LUZP2: variants seen among roughly 807,000 people sequenced by gnomAD.
LUZP2 encodes the protein leucine zipper protein 2.
LUZP2 carries 52 observed loss-of-function variants against 51.6 expected under a neutral mutation model. The observed-to-expected ratio is 1.01, with a 90% confidence interval of 0.81 to 1.27. LUZP2 has a LOEUF of 1.27. Among genes scored for constraint, LUZP2 ranks in the 50% most tolerant of loss-of-function variants. The pLI is 0.00. For synonymous variants in LUZP2, 154 were observed against 137.3 expected (o/e 1.12, Z -0.85); for missense variants, 436 against 395.4 (o/e 1.10, Z -0.87).
At chr11:24,704,938 T>C (rs1190874430) in intron 1 of LUZP2, among the ~76,000 whole-genome samples, 2 of 152,202 alleles carry the variant, frequency 1.3e-5, no homozygotes, top group Non-Finnish European at 2.9e-5. Flanking sequence ...TTACCACAAA[T>C]GCCTTGGGCT....
chr11:24,866,682 G>C (rs1275310547), intron 5 of LUZP2, among the ~76,000 whole-genome samples: 1 of 152,204 alleles, frequency 6.6e-6, no homozygotes, highest in Non-Finnish European at 1.5e-5. Flanking sequence ...TAGCAGATTT[G>C]TCTGCCAACA....
chr11:24,776,845 A>G (rs940200768), intron 5 of LUZP2, among the ~76,000 whole-genome samples: 4 of 152,072 alleles, frequency 2.6e-5, no homozygotes, highest in African/African-American at 9.7e-5. Flanking sequence ...TTTGTTTCCA[A>G]TCCTCAGAGA....
intron 1 of LUZP2, among the ~76,000 whole-genome samples, chr11:24,661,432 C>G (rs1339030503): frequency 2.0e-5 from 3 of 152,162 alleles, no homozygotes. Context: ...AAACAATTAT[C>G]ATCTTTATTA....
chr11:24,993,525 A>G (rs559685658), intron 9 of LUZP2, among the ~76,000 whole-genome samples: 1 of 152,270 alleles, frequency 6.6e-6, no homozygotes, highest in African/African-American at 2.4e-5. Flanking sequence ...TACTGGGTAG[A>G]TAAAACTGTA....
intron 7 of LUZP2, among the ~76,000 whole-genome samples, chr11:24,975,845 G>A (rs1268455908): frequency 4.6e-5 from 7 of 151,904 alleles, no homozygotes; most frequent in Non-Finnish European, 7.4e-5. Flanking sequence ...AAGTGTATGG[G>A]ATTAAAACAC....
intron 1 of LUZP2, among the ~76,000 whole-genome samples, chr11:24,588,454 G>T (rs1590212836): frequency 6.6e-6 from 1 of 152,032 alleles, no homozygotes. Flanking sequence ...AGTAAAAAAT[G>T]ATTGCAAAGA....
At chr11:24,546,967 TGGTGGTGG>T (rs1564983117) in intron 1 of LUZP2, among the ~76,000 whole-genome samples, 5 of 5,018 alleles carry the variant, frequency 1.0e-3, no homozygotes, top group African/African-American at 2.6e-3. Context: ...TTGTTGTTGG[TGGTGGTGG>T]TGGTGGTGGT....
chr11:24,809,801 A>G (rs1368548080), intron 5 of LUZP2, among the ~76,000 whole-genome samples: 1 of 152,100 alleles, frequency 6.6e-6, no homozygotes, highest in Non-Finnish European at 1.5e-5. Context: ...TGAAGTGGTT[A>G]GATTTGCTTA....
At chr11:24,990,803 C>A (rs1856311768) in intron 9 of LUZP2, among the ~76,000 whole-genome samples, 1 of 151,702 alleles carries the variant, frequency 6.6e-6, no homozygotes, top group Non-Finnish European at 1.5e-5. Flanking sequence ...TAATTCTAGC[C>A]TTTTTATTCT....
intron 1 of LUZP2, among the ~76,000 whole-genome samples, chr11:24,520,987 C>A (rs1473019992): frequency 6.6e-6 from 1 of 152,174 alleles, no homozygotes; most frequent in Non-Finnish European, 1.5e-5. Flanking sequence ...TTTTAGTTCC[C>A]TAGATATGTA....
chr11:24,715,077 C>G (rs1425383421), intron 1 of LUZP2, among the ~76,000 whole-genome samples: 1 of 152,070 alleles, frequency 6.6e-6, no homozygotes, highest in Non-Finnish European at 1.5e-5. Context: ...CATTTACTTA[C>G]CTCTGCTGAC....
At chr11:24,756,083 C>G (rs2134018437) in intron 4 of LUZP2, among the ~76,000 whole-genome samples, 1 of 152,240 alleles carries the variant, frequency 6.6e-6, no homozygotes, top group Non-Finnish European at 1.5e-5. Flanking sequence ...ATGTTAACCC[C>G]AAGCATTTCT....
chr11:24,714,266 A>G (rs1457608408), intron 1 of LUZP2, among the ~76,000 whole-genome samples: 2 of 152,048 alleles, frequency 1.3e-5, no homozygotes, highest in Admixed American at 1.3e-4. Flanking sequence ...CTATGTAACA[A>G]ACCTGCATGT....
At chr11:25,030,971 T>TATATATATA (rs1857654310) in intron 9 of LUZP2, among the ~76,000 whole-genome samples, 2 of 47,532 alleles carry the variant, frequency 4.2e-5, no homozygotes, top group Non-Finnish European at 6.7e-5. Flanking sequence ...CAATATATAT[T>TATATATATA]ATATATATAT....
At chr11:24,992,275 T>C (rs189617646) in intron 9 of LUZP2, among the ~76,000 whole-genome samples, 140 of 152,158 alleles carry the variant, frequency 9.2e-4, no homozygotes, top group African/African-American at 3.1e-3. Flanking sequence ...CTACTAGAAT[T>C]GGTGAACTAG....
At chr11:24,614,825 T>G (rs1854235477) in intron 1 of LUZP2, among the ~76,000 whole-genome samples, 1 of 152,004 alleles carries the variant, frequency 6.6e-6, no homozygotes, top group Admixed American at 6.6e-5. Flanking sequence ...TTATTTAAAA[T>G]CACCTTGTTA....
At chr11:24,995,528 C>T (rs1856466151) in intron 9 of LUZP2, among the ~76,000 whole-genome samples, 1 of 151,718 alleles carries the variant, frequency 6.6e-6, no homozygotes, top group African/African-American at 2.4e-5. Context: ...TTCATGTTAC[C>T]TCATTTTTTT....
rs552211301 is a variant in LUZP2 at position 24,958,382 on chromosome 11, G to C, written c.523-18209G>C. 3.1e-3 allele frequency among the ~76,000 whole-genome samples: 469 copies of C among 152,212 alleles called. 2 individuals carry two copies. Among genetic ancestry groups the C allele is most frequent in the Non-Finnish European group, 3.5e-3 (239 of 67,992 alleles). ...ACAGTCCCACCAACAGTGTAAAAGT[G>C]TTCCTATTTCTCCACATCCTCTCCA... is the stretch of plus-strand genomic sequence containing the variant. On this transcript the variant is annotated intron_variant, in intron 7 of 11. Transcript: ENST00000336930.
intron 1 of LUZP2, among the ~76,000 whole-genome samples, chr11:24,568,323 G>A (rs1419580065): frequency 7.0e-6 from 1 of 142,584 alleles, no homozygotes; most frequent in Admixed American, 7.4e-5. Flanking sequence ...TTGTGCCACT[G>A]CACTAGGCTG....
Sources: gnomAD v4.1 joint callset for allele counts (sites outside exome capture counted in the v4.1 genomes callset) on GRCh38, gnomAD v4.1.1 for gene constraint, MANE v1.5 for transcripts, NCBI Gene and HGNC (gene_info 2026-07-23, HGNC 2026-07-21) for gene names.